Variants in DOK5 observed in about 807,000 individuals in gnomAD.
DOK5 encodes the protein docking protein 5.
In DOK5, 27 loss-of-function variants were observed where a neutral mutation model predicts 43.3. The ratio of observed to expected loss-of-function variants is 0.62; its 90% confidence interval spans 0.46 to 0.86. The LOEUF is 0.86. Ranked by LOEUF, DOK5 falls within the 40% of genes least tolerant of loss-of-function variation. DOK5 has a pLI of 0.00. For missense variants in DOK5, 373 were observed against 392.9 expected (o/e 0.95, Z 0.43); for synonymous variants, 146 against 140.1 (o/e 1.04, Z -0.30).
At chr20:54,578,192 G>A (rs968592267) in intron 2 of DOK5, among the ~76,000 whole-genome samples, 3 of 152,090 alleles carry the variant, frequency 2.0e-5, no homozygotes, top group Admixed American at 1.3e-4. Flanking sequence ...GGTAGCCTAT[G>A]ATAATTTCTG....
chr20:54,604,383 G>A (rs1986399614), intron 5 of DOK5, among the ~76,000 whole-genome samples: 1 of 151,284 alleles, frequency 6.6e-6, no homozygotes, highest in South Asian at 2.1e-4. Context: ...TTGGATTCCA[G>A]ATTTTCATTT....
chr20:54,605,668 A>C (rs1413740525), intron 5 of DOK5, among the ~76,000 whole-genome samples: 2 of 152,250 alleles, frequency 1.3e-5, no homozygotes, highest in African/African-American at 2.4e-5. Flanking sequence ...AGCCTGGGTC[A>C]GGTTCCCGGT....
intron 1 of DOK5, among the ~76,000 whole-genome samples, chr20:54,478,218 G>C (rs1391695673): frequency 1.3e-5 from 2 of 152,188 alleles, no homozygotes; most frequent in Admixed American, 1.3e-4. Flanking sequence ...ATTTACAAAA[G>C]AGGCTGATTA....
At chr20:54,582,123 G>T (rs1360221134) in intron 2 of DOK5, among the ~76,000 whole-genome samples, 2 of 151,702 alleles carry the variant, frequency 1.3e-5, no homozygotes, top group African/African-American at 4.8e-5. Flanking sequence ...ATCTGTTGAG[G>T]TGATGATATA....
rs947452614 is a variant in DOK5 at position 54,543,397 on chromosome 20, A to G, written c.67-11536A>G. ...CATAATTTGCATCTTTATAGACTAG[A>G]ATAATTTTGCATTGTTTTCACTTAC... On this transcript the variant is annotated intron_variant, in intron 1 of 7. Coordinates refer to ENST00000262593, the MANE Select transcript of DOK5 (RefSeq NM_018431.5). 3.9e-5 allele frequency among the ~76,000 whole-genome samples: 6 copies of G among 152,238 alleles called. No homozygotes were observed. In the South Asian group the frequency reaches 1.2e-3, roughly 32 times the overall value.
intron 6 of DOK5, among the ~76,000 whole-genome samples, chr20:54,622,504 G>A (rs1987013722): frequency 6.6e-6 from 1 of 152,164 alleles, no homozygotes; most frequent in African/African-American, 2.4e-5. Flanking sequence ...GCTCCTCCCT[G>A]GAGCTGGGAG....
intron 1 of DOK5, among the ~76,000 whole-genome samples, chr20:54,535,712 C>A (rs1047906960): frequency 6.6e-6 from 1 of 152,022 alleles, no homozygotes; most frequent in Admixed American, 6.6e-5. Flanking sequence ...GAGCCCTTCT[C>A]CATGGTATAA....
Position 54,539,697 on chromosome 20 carries a change from C to T in DOK5, c.67-15236C>T, listed in dbSNP as rs531977585. Among the ~76,000 whole-genome samples the T allele has an allele frequency of 5.4e-4, 83 of 152,302 alleles. 3 individuals are homozygous for T. In the South Asian group the frequency reaches 0.013, roughly 24 times the overall value. The stretch of plus-strand genomic sequence containing the variant: ...AGCCACAGAGCTAAGTCATTCCAGG[C>T]AACCTTAAGACAACCCAGGACTTGA... On this transcript the variant is annotated intron_variant, in intron 1 of 7. Transcript: ENST00000262593.
chr20:54,580,948 G>T (rs1486528780), intron 2 of DOK5, among the ~76,000 whole-genome samples: 1 of 151,992 alleles, frequency 6.6e-6, no homozygotes, highest in South Asian at 2.1e-4. Flanking sequence ...AGAAATCACT[G>T]TCAAGACCAC....
intron 2 of DOK5, among the ~76,000 whole-genome samples, chr20:54,558,522 A>G (rs535025244): frequency 6.6e-6 from 1 of 152,318 alleles, no homozygotes; most frequent in Non-Finnish European, 1.5e-5. Context: ...CGGGGCACAT[A>G]AAAAGCTGGA....
In DOK5 at chr20:54,539,279, C is replaced by CAAAAA. The variant is rs57981823; in HGVS notation, c.67-15628_67-15624dup. On this transcript the variant is annotated intron_variant, in intron 1 of 7. Coordinates refer to ENST00000262593, the MANE Select transcript of DOK5 (RefSeq NM_018431.5). ...GGGCAACAGAGCGAGGCTCCATCTCCAAAAAAAAAAAAAAAAAAAAAAAAA... is the reference window on the plus strand; with the variant it reads ...GGGCAACAGAGCGAGGCTCCATCTCCAAAAAAAAAAAAAAAAAAAAAAAAAAAAAA... Among the ~76,000 whole-genome samples the CAAAAA allele has an allele frequency of 3.6e-4, 16 of 44,750 alleles. 2 individuals carry two copies. The highest frequency in any genetic ancestry group is 1.1e-3 in the South Asian group (1 of 928). The allele number at this position is 44,750 out of a possible 152,430, so 29.4% of individuals were successfully genotyped here. A position where few individuals can be genotyped will look rare whatever the true frequency, so the allele number is the denominator to read the frequency against.
chr20:54,490,907 GCT>G (rs1304515518), intron 1 of DOK5, among the ~76,000 whole-genome samples: 2 of 152,124 alleles, frequency 1.3e-5, no homozygotes, highest in African/African-American at 4.8e-5. Context: ...TTCTCTCTAA[GCT>G]CTGGCTATAG....
intron 1 of DOK5, among the ~76,000 whole-genome samples, chr20:54,544,214 T>C (rs1478852902): frequency 6.6e-6 from 1 of 152,206 alleles, no homozygotes; most frequent in Non-Finnish European, 1.5e-5. Context: ...CCAAATTGGC[T>C]TTTCTTTCCT....
At chr20:54,593,878 G>C (rs1256495386) in intron 5 of DOK5, among the ~76,000 whole-genome samples, 1 of 152,168 alleles carries the variant, frequency 6.6e-6, no homozygotes, top group African/African-American at 2.4e-5. Context: ...TAATTCCTTA[G>C]CAAACCAATA....
In DOK5 at chr20:54,610,212, A is replaced by G. The variant is rs559601581; in HGVS notation, c.600-176A>G. Among the ~76,000 whole-genome samples, 42 of 152,374 alleles carry G rather than the reference A, an allele frequency of 2.8e-4. No individual in the cohort carries two copies. In the South Asian group the frequency reaches 8.5e-3, roughly 31 times the overall value. On this transcript the variant is annotated intron_variant, in intron 5 of 7. Transcript: ENST00000262593. ...AGTCCCTTGGTCCCCTGCCCTTGTT[A>G]ATAACAATTAATTGAACACTTTGAA...
chr20:54,602,735 C>T (rs1291536781), intron 5 of DOK5, among the ~76,000 whole-genome samples: 1 of 152,020 alleles, frequency 6.6e-6, no homozygotes, highest in African/African-American at 2.4e-5. Context: ...AGTGCAGTGG[C>T]GTGATCTCGG....
rs1430273434 is a variant in DOK5, at chr20:54,575,550, C to T, written c.175-12933C>T. 3.9e-5 allele frequency among the ~76,000 whole-genome samples: 6 copies of T among 152,114 alleles called. 1 individual carries two copies. In the South Asian group the frequency reaches 1.2e-3, roughly 32 times the overall value. On this transcript the variant is annotated intron_variant, in intron 2 of 7. Coordinates refer to ENST00000262593, the MANE Select transcript of DOK5 (RefSeq NM_018431.5). ...CCACTTCCCAGGTTCAAGTGATTAT[C>T]CTGCCTCAGCCTCCTGAGTAGCTGG...
chr20:54,607,436 G>GTT (rs550603781), intron 5 of DOK5, among the ~76,000 whole-genome samples: 2 of 151,592 alleles, frequency 1.3e-5, no homozygotes, highest in African/African-American at 4.9e-5. Flanking sequence ...GTGTGTGTGT[G>GTT]TTCCAGATCT....
intron 2 of DOK5, among the ~76,000 whole-genome samples, chr20:54,560,402 A>C (rs1984859965): frequency 6.6e-6 from 1 of 152,196 alleles, no homozygotes; most frequent in Admixed American, 6.5e-5. Flanking sequence ...ATGATGGATT[A>C]TTACTCTGAT....
Sources: allele counts gnomAD v4.1 joint callset (sites outside exome capture counted in the v4.1 genomes callset), GRCh38; gene constraint gnomAD v4.1.1; transcripts MANE v1.5; gene names NCBI Gene and HGNC (gene_info 2026-07-23, HGNC 2026-07-21).